USP4: variants seen among roughly 807,000 people sequenced by gnomAD.
USP4 encodes ubiquitin carboxyl-terminal hydrolase 4.
Under a neutral mutation model 118.2 loss-of-function variants are expected in USP4, and 72 were observed. That is an observed-to-expected ratio of 0.61 (90% CI 0.50 to 0.74). The LOEUF (loss-of-function observed/expected upper bound fraction) is 0.74, where lower values mean the gene tolerates loss of function less well. USP4 is among the 30% of genes least tolerant of loss of function. USP4 has a pLI of 0.00. For synonymous variants in USP4, 415 were observed against 440.4 expected (o/e 0.94, Z 0.72); for missense variants, 1,037 against 1,185.7 (o/e 0.87, Z 1.84).
intron 9 of USP4, among the ~76,000 whole-genome samples, chr3:49,302,770 C>T (rs1559470772): frequency 6.6e-6 from 1 of 152,172 alleles, no homozygotes; most frequent in Non-Finnish European, 1.5e-5. Context: ...ACCTGGGCCA[C>T]TGCCCTAAGT....
Position 49,277,234 on chromosome 3 carries a change from C to T in USP4, c.*1059G>A. 7.6e-7 allele frequency: 1 copy of T among 1,314,420 alleles called. No homozygotes were observed. The highest frequency in any genetic ancestry group is 9.9e-7 in the Non-Finnish European group (1 of 1,005,406). 81.4% of individuals were successfully genotyped at this position (1,314,420 alleles called of 1,614,324 possible). A position where few individuals can be genotyped will look rare whatever the true frequency, so the allele number is the denominator to read the frequency against. On this transcript the variant is annotated 3_prime_UTR_variant, in exon 22 of 22. Coordinates refer to ENST00000265560, the MANE Select transcript of USP4 (RefSeq NM_003363.4). Reference sequence around the variant, plus strand: ...ATCCAACGGTCATCGCATGCGCGTGCCCCGCGCAGGCCCCAAACCCCCACG... The same window carrying T: ...ATCCAACGGTCATCGCATGCGCGTGTCCCGCGCAGGCCCCAAACCCCCACG...
chr3:49,295,197 G>A (rs921427886), intron 13 of USP4, among the ~76,000 whole-genome samples: 10 of 148,498 alleles, frequency 6.7e-5, no homozygotes, highest in Non-Finnish European at 1.3e-4. Context: ...GCTGAGGCAG[G>A]AGAATGGTGT....
At chr3:49,303,424 T>C (rs570511294) in intron 9 of USP4, among the ~76,000 whole-genome samples, 3 of 107,466 alleles carry the variant, frequency 2.8e-5, no homozygotes, top group South Asian at 3.0e-4. Flanking sequence ...CTGGGCGACA[T>C]AGCAAGGCTG....
At position 49,335,692 on chromosome 3, in the gene USP4, G is replaced by A. The variant is rs904822211; in HGVS notation, c.102-96C>T. On this transcript the variant is annotated intron_variant, in intron 1 of 21. Coordinates refer to ENST00000265560, the MANE Select transcript of USP4 (RefSeq NM_003363.4). ...CTTTTTTATGGTCCTTCCACTTGGG[G>A]CATATGCAATACCCACTAAAAAACA... The A allele has an allele frequency of 6.3e-6, 9 of 1,436,074 alleles. No individual in the cohort carries two copies. In the East Asian group the frequency reaches 2.1e-4, roughly 33 times the overall value. 89.0% of individuals were successfully genotyped at this position (1,436,074 alleles called of 1,614,324 possible).
chr3:49,287,088 A>G (rs1449909833), intron 15 of USP4, among the ~76,000 whole-genome samples: 1 of 151,998 alleles, frequency 6.6e-6, no homozygotes, highest in East Asian at 1.9e-4. Flanking sequence ...CTGACCTCAG[A>G]TGATCCACCG....
At chr3:49,311,707 C>G (rs1043655319) in intron 6 of USP4, 53 bp from the exon 7 acceptor site, 100 of 1,600,448 alleles carry the variant, frequency 6.2e-5, no homozygotes, top group Non-Finnish European at 7.2e-5. Flanking sequence ...AGAGCAAGCC[C>G]TATTTAATGC....
intron 19 of USP4, among the ~76,000 whole-genome samples, chr3:49,281,878 G>T (rs1410069671): frequency 1.3e-5 from 2 of 151,810 alleles, no homozygotes; most frequent in Non-Finnish European, 1.5e-5. Context: ...GGGTATGGTG[G>T]CAGGCGCCTG....
chr3:49,280,357 C>T (rs549577688), intron 20 of USP4, among the ~76,000 whole-genome samples: 12 of 151,306 alleles, frequency 7.9e-5, no homozygotes, highest in African/African-American at 2.2e-4. Context: ...GTCAGGAGAT[C>T]GAGACCATCC....
chr3:49,318,377 C>G, intron 6 of USP4: 2 of 985,536 alleles, frequency 2.0e-6, no homozygotes, highest in Non-Finnish European at 2.4e-6. Context: ...GCTTTCTTAA[C>G]TTCAGGGACA....
rs745464194 is a variant in USP4 at position 49,311,479 on chromosome 3, G to C, written c.836+35C>G. 103 of 1,606,974 alleles carry C rather than the reference G, an allele frequency of 6.4e-5. 1 individual carries two copies. The highest frequency in any genetic ancestry group is 1.1e-4 in the East Asian group (5 of 44,680). On this transcript the variant is annotated intron_variant, in intron 7 of 21. Transcript: ENST00000265560. ...AAGATACAGCCTGGGAAAGGACCAC[G>C]GGAAAGGAAGCAGAGTGAAAGGACC...
At position 49,278,778 on chromosome 3, in the gene USP4, G is replaced by A. The variant is rs369261133; in HGVS notation, c.2733+36C>T. The A allele has an allele frequency of 1.8e-3, 2,628 of 1,462,590 alleles. 75 individuals are homozygous for A. The South Asian group carries it at 0.03, about 17-fold the overall frequency. The allele number at this position is 1,462,590 out of a possible 1,614,324, so 90.6% of individuals were successfully genotyped here. Reference sequence around the variant, plus strand: ...GCTCTTCCCAGCTTTAATCCATAACGACATGAGGAAGAACCACATATCATG... The same window carrying A: ...GCTCTTCCCAGCTTTAATCCATAACAACATGAGGAAGAACCACATATCATG... On this transcript the variant is annotated intron_variant, in intron 21 of 21. Coordinates refer to ENST00000265560, the MANE Select transcript of USP4 (RefSeq NM_003363.4).
intron 19 of USP4, 33 bp from the exon 20 acceptor site, chr3:49,280,880 A>G (rs1296032264): frequency 6.3e-7 from 1 of 1,594,720 alleles, no homozygotes; most frequent in Non-Finnish European, 8.6e-7. Flanking sequence ...GTTATTGAAT[A>G]TGTTAAACCC....
intron 1 of USP4, among the ~76,000 whole-genome samples, chr3:49,338,850 A>C (rs2047700379): frequency 6.6e-6 from 1 of 151,944 alleles, no homozygotes; most frequent in Admixed American, 6.6e-5. Flanking sequence ...GATTTCTTAA[A>C]GATAGGTAAC....
In USP4 at chr3:49,291,968, C is replaced by T. The variant is rs544524587; in HGVS notation, c.1972+542G>A. ...GACTATAGGTGCCCGCCACCATGTC[C>T]GGCTAATTTTTTGTATTTTTAGTAG... is the stretch of plus-strand genomic sequence containing the variant. On this transcript the variant is annotated intron_variant, in intron 15 of 21. Coordinates refer to ENST00000265560, the MANE Select transcript of USP4 (RefSeq NM_003363.4). Among the ~76,000 whole-genome samples the T allele has an allele frequency of 1.8e-4, 27 of 152,082 alleles. No individual in the cohort carries two copies. The East Asian group carries it at 4.1e-3, about 23-fold the overall frequency.
chr3:49,278,796 A>C lies in USP4; in HGVS notation c.2733+18T>G. 1 of 1,564,186 alleles carries C rather than the reference A, an allele frequency of 6.4e-7. No homozygotes were observed. The highest frequency in any genetic ancestry group is 8.7e-7 in the Non-Finnish European group (1 of 1,144,862). On this transcript the variant is annotated intron_variant, in intron 21 of 21. Transcript: ENST00000265560. Reference sequence around the variant, plus strand: ...CCATAACGACATGAGGAAGAACCACATATCATGGCCTACTCACCACTATCT... The same window carrying C: ...CCATAACGACATGAGGAAGAACCACCTATCATGGCCTACTCACCACTATCT...
chr3:49,328,883 T>G (rs1478917429), intron 2 of USP4, among the ~76,000 whole-genome samples: 1 of 142,926 alleles, frequency 7.0e-6, no homozygotes, highest in Non-Finnish European at 1.5e-5. Flanking sequence ...TAAATAAAAA[T>G]TAAAATTAAA....
chr3:49,279,708 C>T (rs2046997616), intron 20 of USP4, among the ~76,000 whole-genome samples: 1 of 152,194 alleles, frequency 6.6e-6, no homozygotes, highest in Admixed American at 6.5e-5. Flanking sequence ...TTTAACACTT[C>T]AGCCTCAGTT....
Position 49,294,417 on chromosome 3 carries a change from C to T in USP4, c.1873G>A (p.Asp625Asn). 3 of 1,612,446 alleles carry T rather than the reference C, an allele frequency of 1.9e-6. No individual in the cohort carries two copies. The highest frequency in any genetic ancestry group is 2.2e-5 in the South Asian group (2 of 90,866). The change falls in exon 14 of 22, where the codon GAT becomes AAT. Residue 625 changes from aspartate (D) to asparagine (N), a missense_variant. By Grantham distance (23) the Asp-to-Asn change is conservative. Around this residue, in one of 3 missense-constraint regions of USP4, gnomAD observed 522 missense variants for 592.6 expected, o/e 0.88. Coordinates refer to ENST00000265560, the MANE Select transcript of USP4 (RefSeq NM_003363.4). ...TLESLYQAVCDRISRYVKQPL... is the reference protein window; with the variant it reads ...TLESLYQAVCNRISRYVKQPL... ...ATTCCTGCCACCAACCTGATACGAT[C>T]ACAAACAGCCTGGTACAAAGACTCA...
At chr3:49,291,705 G>T (rs2047153171) in intron 15 of USP4, among the ~76,000 whole-genome samples, 1 of 151,724 alleles carries the variant, frequency 6.6e-6, no homozygotes, top group South Asian at 2.1e-4. Flanking sequence ...CATGTCAGGT[G>T]GGGTGGCTCA....
Sources: gnomAD v4.1 joint callset for allele counts (sites outside exome capture counted in the v4.1 genomes callset) on GRCh38, gnomAD v4.1.1 for gene constraint, gnomAD v4.1.1 regional missense constraint, MANE v1.5 for transcripts, NCBI Gene and HGNC (gene_info 2026-07-23, HGNC 2026-07-21) for gene names.